The following COPS2 variants were observed in gnomAD, a reference collection of about 807,000 sequenced individuals.
The protein encoded by COPS2 is COP9 signalosome complex subunit 2.
In COPS2, 10 loss-of-function variants were observed where a neutral mutation model predicts 66.1. That is an observed-to-expected ratio of 0.15 (90% CI 0.09 to 0.26). The LOEUF (loss-of-function observed/expected upper bound fraction) is 0.26, where lower values mean the gene tolerates loss of function less well. Ranked by LOEUF, COPS2 falls within the 10% of genes least tolerant of loss-of-function variation. The pLI is 1.00. For synonymous variants in COPS2, 179 were observed against 171.3 expected (o/e 1.04, Z -0.35); for missense variants, 215 against 513.3 (o/e 0.42, Z 5.62).
rs946761020 is a variant in COPS2, at chr15:49,124,611, T to C, written c.*3339A>G. The C allele has an allele frequency of 6.6e-6, 1 of 152,164 alleles. No individual in the cohort carries two copies. The highest frequency in any genetic ancestry group is 2.4e-5 in the African/African-American group (1 of 41,450). The allele number at this position is 152,164 out of a possible 1,614,324, so 9.4% of individuals were successfully genotyped here. On this transcript the variant is annotated 3_prime_UTR_variant, in exon 13 of 13. Transcript: ENST00000388901. ...TGGATAGTGTTCTTAAACACTTTGA[T>C]ACAAAATAGTTAAATGTCAAATTCC...
rs1323028412 is a variant in COPS2 at position 49,123,570 on chromosome 15, CAA to C, written c.*4378_*4379del. 1 of 152,246 alleles carries C rather than the reference CAA, an allele frequency of 6.6e-6. No homozygotes were observed. The highest frequency in any genetic ancestry group is 1.9e-4 in the East Asian group (1 of 5,188). The allele number at this position is 152,246 out of a possible 1,614,324, so 9.4% of individuals were successfully genotyped here. Reference sequence around the variant, plus strand: ...TATTACATATGTATACATATGCACACAAAAAAGTTTTGGTCAGCTATTCATGT... The same window carrying C: ...TATTACATATGTATACATATGCACACAAAAGTTTTGGTCAGCTATTCATGT... On this transcript the variant is annotated 3_prime_UTR_variant, in exon 13 of 13. Transcript: ENST00000388901.
At chr15:49,134,906 T>C (rs2084239904) in intron 6 of COPS2, among the ~76,000 whole-genome samples, 3 of 152,162 alleles carry the variant, frequency 2.0e-5, no homozygotes, top group African/African-American at 7.2e-5. Flanking sequence ...CAATGTACAA[T>C]GAAATCATTT....
At position 49,126,520 on chromosome 15, in the gene COPS2, T is replaced by C. The variant is rs1027477606; in HGVS notation, c.*1430A>G. The C allele has an allele frequency of 1.3e-4, 20 of 152,614 alleles. No individual in the cohort carries two copies. The highest frequency in any genetic ancestry group is 4.1e-4 in the African/African-American group (17 of 41,546). The allele number at this position is 152,614 out of a possible 1,614,324, so 9.5% of individuals were successfully genotyped here. A position where few individuals can be genotyped will look rare whatever the true frequency, so the allele number is the denominator to read the frequency against. On this transcript the variant is annotated 3_prime_UTR_variant, in exon 13 of 13. Coordinates refer to ENST00000388901, the MANE Select transcript of COPS2 (RefSeq NM_004236.4). ...GAACTGCCACCCAGTTTTTACATAA[T>C]AATAACAAGCAATAGAAAAACCAAA...
chr15:49,138,709 G>GA (rs899556342), intron 4 of COPS2, among the ~76,000 whole-genome samples: 21 of 151,874 alleles, frequency 1.4e-4, no homozygotes, highest in Non-Finnish European at 4.4e-5. Flanking sequence ...CAAACTGCCT[G>GA]AAAAAAATGA....
At chr15:49,132,707 T>A (rs2084220904) in intron 9 of COPS2, among the ~76,000 whole-genome samples, 1 of 151,794 alleles carries the variant, frequency 6.6e-6, no homozygotes, top group Non-Finnish European at 1.5e-5. Flanking sequence ...TTTTAATGAA[T>A]AAAACCCACA....
At chr15:49,138,497 G>A (rs2084268825) in intron 4 of COPS2, among the ~76,000 whole-genome samples, 1 of 152,040 alleles carries the variant, frequency 6.6e-6, no homozygotes, top group Non-Finnish European at 1.5e-5. Context: ...CCAATTACTG[G>A]CATAATATTT....
intron 11 of COPS2, 43 bp from the exon 12 acceptor site, chr15:49,128,803 A>C: frequency 1.3e-5 from 17 of 1,271,802 alleles, no homozygotes; most frequent in Non-Finnish European, 1.9e-5. Flanking sequence ...CATTTTAAAG[A>C]CTTCATAATT....
chr15:49,129,982 A>C (rs2141122343), intron 10 of COPS2, among the ~76,000 whole-genome samples: 2 of 152,236 alleles, frequency 1.3e-5, no homozygotes, highest in Middle Eastern at 6.8e-3. Context: ...TAGTTCTTAA[A>C]ATTTTTTAAA....
chr15:49,151,548 G>A (rs968101272), intron 1 of COPS2, among the ~76,000 whole-genome samples: 5 of 152,042 alleles, frequency 3.3e-5, no homozygotes, highest in Admixed American at 1.3e-4. Flanking sequence ...ATTGGACTGC[G>A]GAATTAAAAC....
At position 49,137,327 on chromosome 15, in the gene COPS2, TGTAA is replaced by T. The variant is rs777800120; in HGVS notation, c.462+17_462+20del. 38 of 1,571,696 alleles carry T rather than the reference TGTAA, an allele frequency of 2.4e-5. No homozygotes were observed. The East Asian group carries it at 7.0e-4, about 29-fold the overall frequency. Reference sequence around the variant, plus strand: ...ACCCACCCACTTTTCAAAAGAAAAGTGTAAGTATTATAACGGTTACCTTTGTGTT... The same window carrying T: ...ACCCACCCACTTTTCAAAAGAAAAGTGTATTATAACGGTTACCTTTGTGTT... On this transcript the variant is annotated intron_variant, in intron 5 of 12. Coordinates refer to ENST00000388901, the MANE Select transcript of COPS2 (RefSeq NM_004236.4).
At chr15:49,145,568 C>A (rs2084315203) in intron 1 of COPS2, among the ~76,000 whole-genome samples, 1 of 152,128 alleles carries the variant, frequency 6.6e-6, no homozygotes, top group Non-Finnish European at 1.5e-5. Context: ...GCAAAGTCAT[C>A]TAGCACTAAA....
Position 49,125,037 on chromosome 15 carries a change from T to C in COPS2, c.*2913A>G, listed in dbSNP as rs2084154593. On this transcript the variant is annotated 3_prime_UTR_variant, in exon 13 of 13. Transcript: ENST00000388901. The stretch of plus-strand genomic sequence containing the variant: ...ATTTCCCACAAAATTTCTACCATCA[T>C]GGATATTTTAAATATTAAGAATAAG... The C allele has an allele frequency of 6.6e-6, 1 of 152,160 alleles. No homozygotes were observed. The allele number at this position is 152,160 out of a possible 1,614,324, so 9.4% of individuals were successfully genotyped here.
intron 1 of COPS2, 84 bp from the exon 2 acceptor site, chr15:49,145,162 C>T (rs187295806): frequency 3.2e-5 from 21 of 652,556 alleles, no homozygotes; most frequent in Admixed American, 6.1e-5. Context: ...GCTGTTAAGA[C>T]AGAAAAACCA....
chr15:49,133,734 C>G, intron 9 of COPS2, 25 bp downstream of exon 9: 1 of 1,535,452 alleles, frequency 6.5e-7, no homozygotes, highest in Non-Finnish European at 8.9e-7. Flanking sequence ...AGGAAATTTA[C>G]CTTAACTGAA....
chr15:49,132,328 G>A (rs2084216203), intron 9 of COPS2, among the ~76,000 whole-genome samples: 1 of 149,382 alleles, frequency 6.7e-6, no homozygotes, highest in African/African-American at 2.5e-5. Context: ...ATTCCAAACT[G>A]TTCTTAGTCC....
intron 1 of COPS2, among the ~76,000 whole-genome samples, chr15:49,149,611 T>C (rs2084344827): frequency 1.3e-5 from 2 of 152,204 alleles, no homozygotes; most frequent in Admixed American, 1.3e-4. Flanking sequence ...TGGATAAACA[T>C]TCCAAAATAA....
chr15:49,138,904 G>A (rs2084271414), intron 4 of COPS2, among the ~76,000 whole-genome samples: 1 of 152,028 alleles, frequency 6.6e-6, no homozygotes, highest in Non-Finnish European at 1.5e-5. Flanking sequence ...ACAAGGATAA[G>A]GACAAATGAT....
Position 49,127,992 on chromosome 15 carries a change from T to C in COPS2, c.1290A>G (p.Gln430=). ...CTACAGCCTGGTTGAGAGAATTTAG[T>C]TGGTTGGTCCATTTATCTAGTGCAG... ...RYTALDKWTN[Q]LNSLNQAVVS... The change falls in exon 13 of 13, where the codon CAA becomes CAG. Residue 430 remains glutamine, a synonymous_variant. Coordinates refer to ENST00000388901, the MANE Select transcript of COPS2 (RefSeq NM_004236.4). 4 of 1,614,028 alleles carry C rather than the reference T, an allele frequency of 2.5e-6. No homozygotes were observed. Among genetic ancestry groups the C allele is most frequent in the South Asian group, 1.1e-5 (1 of 91,074 alleles).
At chr15:49,129,392 T>C in intron 11 of COPS2, 85 bp downstream of exon 11, 1 of 472,136 alleles carries the variant, frequency 2.1e-6, no homozygotes, top group Non-Finnish European at 3.7e-6. Flanking sequence ...GTTACCAAGT[T>C]AGAGTGACTC....
Sources: allele counts gnomAD v4.1 joint callset (sites outside exome capture counted in the v4.1 genomes callset), GRCh38; gene constraint gnomAD v4.1.1; transcripts MANE v1.5; gene names NCBI Gene and HGNC (gene_info 2026-07-23, HGNC 2026-07-21).